Variants in STXBP5L observed in about 807,000 individuals in gnomAD.
STXBP5L encodes the protein syntaxin binding protein 5L.
STXBP5L carries 65 observed loss-of-function variants against 144.5 expected under a neutral mutation model. That is an observed-to-expected ratio of 0.45 (90% CI 0.37 to 0.55). STXBP5L has a LOEUF of 0.55. STXBP5L is among the 20% of genes least tolerant of loss of function. The pLI, the probability that STXBP5L is intolerant of heterozygous loss-of-function variation, is 0.00. For missense variants in STXBP5L, 1,298 were observed against 1,405.5 expected, an observed-to-expected ratio of 0.92 and a Z score of 1.22; for synonymous variants, 505 against 469.6, an observed-to-expected ratio of 1.08 and a Z score of -0.97.
intron 20 of STXBP5L, among the ~76,000 whole-genome samples, chr3:121,319,059 A>C (rs1347879685): frequency 6.6e-6 from 1 of 152,194 alleles, no homozygotes; most frequent in Non-Finnish European, 1.5e-5. Context: ...GAGAATAAAG[A>C]TTCCTAGGGA....
rs114879693 is a variant in STXBP5L, at chr3:121,422,726, C to T, written c.*3629C>T. ...TTTTCCAGTGATTCAGTCACAAAGA[C>T]AATTTTCTCAGATCTTTTGAAAGTG... On this transcript the variant is annotated 3_prime_UTR_variant, in exon 27 of 27. Coordinates refer to ENST00000471454, the MANE Select transcript of STXBP5L (RefSeq NM_001308330.2). The T allele has an allele frequency of 7.3e-4, 111 of 152,200 alleles. No homozygotes were observed. The highest frequency in any genetic ancestry group is 2.6e-3 in the African/African-American group (106 of 41,554). The allele number at this position is 152,200 out of a possible 1,614,324, so 9.4% of individuals were successfully genotyped here.
chr3:121,310,120 A>G (rs2043475286), intron 19 of STXBP5L, among the ~76,000 whole-genome samples: 1 of 152,252 alleles, frequency 6.6e-6, no homozygotes, highest in African/African-American at 2.4e-5. Flanking sequence ...GCAAACAAAT[A>G]GGAGAAAAAT....
At chr3:121,054,724 A>T (rs957193121) in intron 5 of STXBP5L, among the ~76,000 whole-genome samples, 4 of 152,100 alleles carry the variant, frequency 2.6e-5, no homozygotes, top group African/African-American at 7.2e-5. Flanking sequence ...ATGTACCGTA[A>T]AACTTAAAGT....
chr3:121,257,854 G>A (rs1353173044), intron 17 of STXBP5L, among the ~76,000 whole-genome samples: 2 of 152,178 alleles, frequency 1.3e-5, no homozygotes, highest in African/African-American at 4.8e-5. Context: ...TAGCTCAGGA[G>A]TTTAAAGTTG....
intron 3 of STXBP5L, among the ~76,000 whole-genome samples, chr3:121,008,736 A>G (rs973881163): frequency 1.3e-5 from 2 of 151,958 alleles, no homozygotes; most frequent in African/African-American, 4.8e-5. Flanking sequence ...CCTTTATTTC[A>G]TCTCCTTCAT....
intron 3 of STXBP5L, among the ~76,000 whole-genome samples, chr3:121,013,205 A>G (rs1487840441): frequency 6.6e-6 from 1 of 152,030 alleles, no homozygotes; most frequent in Admixed American, 6.6e-5. Flanking sequence ...TCCTTTGGAT[A>G]TATACCCATT....
At chr3:120,929,847 G>T (rs1709830646) in intron 2 of STXBP5L, among the ~76,000 whole-genome samples, 1 of 151,794 alleles carries the variant, frequency 6.6e-6, no homozygotes, top group African/African-American at 2.4e-5. Context: ...TTACTGGTGA[G>T]CTTGATTATT....
intron 18 of STXBP5L, among the ~76,000 whole-genome samples, chr3:121,278,439 G>A (rs944093812): frequency 1.3e-5 from 2 of 151,712 alleles, no homozygotes; most frequent in Non-Finnish European, 2.9e-5. Context: ...ATGGTATATA[G>A]AATGTCATGC....
chr3:121,315,735 C>T (rs2043762706), intron 19 of STXBP5L, among the ~76,000 whole-genome samples: 1 of 152,074 alleles, frequency 6.6e-6, no homozygotes, highest in Admixed American at 6.6e-5. Context: ...GGCGTGATGG[C>T]TCATGCTTAT....
intron 5 of STXBP5L, among the ~76,000 whole-genome samples, chr3:121,056,960 GA>G (rs908518141): frequency 4.0e-5 from 6 of 149,558 alleles, no homozygotes; most frequent in African/African-American, 1.2e-4. Context: ...TATAAAGAGG[GA>G]AAAAAGCGAG....
chr3:120,944,269 A>C (rs1710728896), intron 2 of STXBP5L, among the ~76,000 whole-genome samples: 1 of 151,622 alleles, frequency 6.6e-6, no homozygotes, highest in Non-Finnish European at 1.5e-5. Flanking sequence ...AATAAAGAGC[A>C]AAAAATATTG....
intron 9 of STXBP5L, among the ~76,000 whole-genome samples, chr3:121,177,035 T>C (rs2046963853): frequency 6.6e-6 from 1 of 151,896 alleles, no homozygotes; most frequent in African/African-American, 2.4e-5. Context: ...AAATTTCTAC[T>C]TTTAAGACAA....
rs180972242 is a variant in STXBP5L at position 121,009,616 on chromosome 3, C to G, written c.288-32084C>G. 3.2e-4 allele frequency among the ~76,000 whole-genome samples: 48 copies of G among 152,022 alleles called. No individual in the cohort carries two copies. The East Asian group carries it at 9.1e-3, about 29-fold the overall frequency. ...TCTTTGTGGTAGTTATAAGGAAACA[C>G]CTACATGTTCATAGCTATGAGCAGA... On this transcript the variant is annotated intron_variant, in intron 3 of 26. Transcript: ENST00000471454.
chr3:121,120,018 G>A (rs1402014461), intron 6 of STXBP5L, among the ~76,000 whole-genome samples: 1 of 151,204 alleles, frequency 6.6e-6, no homozygotes, highest in Non-Finnish European at 1.5e-5. Flanking sequence ...CAATGAAAAA[G>A]GATTCAATGG....
intron 21 of STXBP5L, among the ~76,000 whole-genome samples, chr3:121,379,786 G>A (rs2108680318): frequency 6.6e-6 from 1 of 152,228 alleles, no homozygotes. Context: ...TATCTAGCAT[G>A]TTATAAAAGA....
intron 3 of STXBP5L, among the ~76,000 whole-genome samples, chr3:121,031,801 A>T (rs578025474): frequency 6.6e-6 from 1 of 152,272 alleles, no homozygotes; most frequent in South Asian, 2.1e-4. Context: ...TAGTAGCATT[A>T]AGAATGGGCA....
intron 20 of STXBP5L, among the ~76,000 whole-genome samples, chr3:121,373,266 G>A (rs2046085657): frequency 6.6e-6 from 1 of 152,202 alleles, no homozygotes; most frequent in Non-Finnish European, 1.5e-5. Flanking sequence ...AACGGTAAGT[G>A]AGAGATTCCT....
chr3:120,981,610 G>GT (rs1465431364), intron 3 of STXBP5L, among the ~76,000 whole-genome samples: 7 of 151,994 alleles, frequency 4.6e-5, no homozygotes, highest in Non-Finnish European at 8.8e-5. Flanking sequence ...CTTTGTATTG[G>GT]TTTTCAACTG....
intron 2 of STXBP5L, among the ~76,000 whole-genome samples, chr3:120,944,731 C>T (rs758791862): frequency 3.3e-5 from 5 of 151,700 alleles, no homozygotes; most frequent in African/African-American, 7.2e-5. Flanking sequence ...TTTTGAATCA[C>T]AATGTGATGG....
Sources: gnomAD v4.1 joint callset for allele counts (sites outside exome capture counted in the v4.1 genomes callset) on GRCh38, gnomAD v4.1.1 for gene constraint, MANE v1.5 for transcripts, NCBI Gene and HGNC (gene_info 2026-07-23, HGNC 2026-07-21) for gene names.